The following LAMA2 variants were observed in gnomAD, a reference collection of about 807,000 sequenced individuals.
LAMA2 encodes the protein laminin subunit alpha-2.
Under a neutral mutation model 364.8 loss-of-function variants are expected in LAMA2, and 269 were observed. The ratio of observed to expected loss-of-function variants is 0.74; its 90% CI spans 0.67 to 0.82. The LOEUF is 0.82. LAMA2 is among the 40% of genes least tolerant of loss of function. LAMA2 has a pLI of 0.00. For missense variants in LAMA2, 3,807 were observed against 3,873.2 expected (o/e 0.98, Z 0.45); for synonymous variants, 1,379 against 1,370.6 (o/e 1.01, Z -0.14).
At chr6:129,271,585 T>G (rs573853454) in intron 17 of LAMA2, among the ~76,000 whole-genome samples, 4 of 150,334 alleles carry the variant, frequency 2.7e-5, no homozygotes, top group Non-Finnish European at 5.9e-5. Flanking sequence ...TTCTCCTGCC[T>G]CAGCTGGACT....
intron 1 of LAMA2, among the ~76,000 whole-genome samples, chr6:128,991,698 G>A (rs1383989939): frequency 6.6e-6 from 1 of 151,974 alleles, no homozygotes; most frequent in Non-Finnish European, 1.5e-5. Context: ...TCTATTCTAG[G>A]ACAAAATAAA....
At chr6:129,227,834 A>T (rs1227458492) in intron 12 of LAMA2, among the ~76,000 whole-genome samples, 2 of 152,006 alleles carry the variant, frequency 1.3e-5, no homozygotes, top group Non-Finnish European at 2.9e-5. Flanking sequence ...ATGCTGGGAG[A>T]ACCACTACTC....
At chr6:129,473,813 A>G (rs1047116746) in intron 52 of LAMA2, among the ~76,000 whole-genome samples, 2 of 152,070 alleles carry the variant, frequency 1.3e-5, no homozygotes, top group African/African-American at 4.8e-5. Context: ...TGCCTAATAC[A>G]AGAACTATAT....
At chr6:129,158,909 G>A (rs181959048) in intron 8 of LAMA2, 1 of 1,606,114 alleles carries the variant, frequency 6.2e-7, no homozygotes. Flanking sequence ...GTTATTAATA[G>A]CATCATCTGG....
chr6:129,222,283 G>A (rs963846136), intron 12 of LAMA2, among the ~76,000 whole-genome samples: 3 of 151,934 alleles, frequency 2.0e-5, no homozygotes, highest in South Asian at 2.1e-4. Flanking sequence ...GGAATTAGTA[G>A]GAGTACTTAG....
At chr6:129,034,473 TTTC>T (rs1249611565) in intron 1 of LAMA2, among the ~76,000 whole-genome samples, 16 of 152,064 alleles carry the variant, frequency 1.1e-4, no homozygotes, top group Non-Finnish European at 2.4e-4. Context: ...TTTTTTCCTT[TTTC>T]TTTTTTTAAT....
At chr6:129,453,783 C>A (rs114024195) in intron 46 of LAMA2, among the ~76,000 whole-genome samples, 1 of 151,800 alleles carries the variant, frequency 6.6e-6, no homozygotes, top group Non-Finnish European at 1.5e-5. Flanking sequence ...CATAGCTGCC[C>A]CCTCAAAAAT....
chr6:129,450,694 A>T (rs1484959164), intron 45 of LAMA2, among the ~76,000 whole-genome samples: 2 of 152,230 alleles, frequency 1.3e-5, no homozygotes, highest in Non-Finnish European at 2.9e-5. Context: ...GGGCCAAGCT[A>T]TAAAGCATTT....
intron 12 of LAMA2, among the ~76,000 whole-genome samples, chr6:129,242,396 G>T (rs1785452233): frequency 6.6e-6 from 1 of 152,012 alleles, no homozygotes; most frequent in Non-Finnish European, 1.5e-5. Flanking sequence ...ACAATAGCAA[G>T]CCTGTTTCTC....
At chr6:128,917,908 A>G (rs943243745) in intron 1 of LAMA2, among the ~76,000 whole-genome samples, 5 of 149,032 alleles carry the variant, frequency 3.4e-5, no homozygotes, top group Non-Finnish European at 7.4e-5. Context: ...TAATTTTTCT[A>G]TTTTTTTTGT....
At chr6:129,103,460 G>A (rs1271623495) in intron 4 of LAMA2, among the ~76,000 whole-genome samples, 1 of 152,062 alleles carries the variant, frequency 6.6e-6, no homozygotes, top group Non-Finnish European at 1.5e-5. Context: ...CTAAACCACA[G>A]ACCTTATTCA....
intron 40 of LAMA2, 36 bp from the exon 41 acceptor site, chr6:129,427,716 G>GT: frequency 6.8e-7 from 1 of 1,474,574 alleles, no homozygotes; most frequent in Non-Finnish European, 9.5e-7. Context: ...TTATTCTATG[G>GT]TTTTAGATGT....
chr6:129,048,555 C>CTT (rs1787756308), intron 1 of LAMA2, among the ~76,000 whole-genome samples: 1 of 72,672 alleles, frequency 1.4e-5, no homozygotes, highest in African/African-American at 5.9e-5. Flanking sequence ...CTTTCTTTCT[C>CTT]TCTCTCTCTC....
intron 16 of LAMA2, among the ~76,000 whole-genome samples, chr6:129,268,551 G>T (rs1313194580): frequency 6.6e-6 from 1 of 151,974 alleles, no homozygotes; most frequent in African/African-American, 2.4e-5. Context: ...AATTCATTAG[G>T]ATGAAAGCAA....
intron 15 of LAMA2, among the ~76,000 whole-genome samples, chr6:129,264,709 T>G (rs1787380841): frequency 1.3e-5 from 2 of 151,788 alleles, no homozygotes; most frequent in Non-Finnish European, 2.9e-5. Context: ...TGTCATGAAG[T>G]TGAGAAAAGA....
intron 4 of LAMA2, among the ~76,000 whole-genome samples, chr6:129,133,886 GCA>G (rs1352489747): frequency 6.6e-6 from 1 of 151,492 alleles, no homozygotes; most frequent in East Asian, 1.9e-4. Flanking sequence ...ACACACACGC[GCA>G]CACACAATTC....
chr6:129,444,402 A>G (rs1455625977), intron 44 of LAMA2, among the ~76,000 whole-genome samples: 1 of 152,216 alleles, frequency 6.6e-6, no homozygotes, highest in Non-Finnish European at 1.5e-5. Context: ...GAAGGGAAAA[A>G]TGAACAAACG....
intron 14 of LAMA2, among the ~76,000 whole-genome samples, chr6:129,256,696 C>T (rs942410757): frequency 6.9e-6 from 1 of 145,920 alleles, no homozygotes; most frequent in South Asian, 2.2e-4. Flanking sequence ...TGCTCTTACT[C>T]GATGTGGGAT....
intron 1 of LAMA2, among the ~76,000 whole-genome samples, chr6:128,947,249 G>A (rs1443798629): frequency 6.6e-6 from 1 of 152,144 alleles, no homozygotes; most frequent in Non-Finnish European, 1.5e-5. Context: ...TAACTACCAG[G>A]TTTGCACGTT....
Sources: gnomAD v4.1 joint callset for allele counts (sites outside exome capture counted in the v4.1 genomes callset) on GRCh38, gnomAD v4.1.1 for gene constraint, MANE v1.5 for transcripts, NCBI Gene and HGNC (gene_info 2026-07-23, HGNC 2026-07-21) for gene names.